The following SUGCT variants were observed in gnomAD, a reference collection of about 807,000 sequenced individuals.
SUGCT encodes the protein succinyl-CoA:glutarate-CoA transferase, also known as succinyl-CoA:glutarate CoA-transferase.
Under a neutral mutation model 55.0 loss-of-function variants are expected in SUGCT, and 41 were observed. That is an observed-to-expected ratio of 0.74 (90% CI 0.58 to 0.97). The LOEUF (loss-of-function observed/expected upper bound fraction) is 0.97, where lower values mean the gene tolerates loss of function less well. SUGCT is among the 50% of genes least tolerant of loss of function. The pLI, the probability that SUGCT is intolerant of heterozygous loss-of-function variation, is 0.00. For missense variants in SUGCT, 568 were observed against 547.8 expected (o/e 1.04, Z -0.37); for synonymous variants, 187 against 200.4 (o/e 0.93, Z 0.56).
At chr7:40,566,009 A>G (rs995383182) in intron 12 of SUGCT, among the ~76,000 whole-genome samples, 5 of 149,366 alleles carry the variant, frequency 3.3e-5, no homozygotes, top group African/African-American at 9.7e-5. Flanking sequence ...ACACACACAC[A>G]CACACACACA....
intron 13 of SUGCT, among the ~76,000 whole-genome samples, chr7:40,796,304 T>G (rs924735094): frequency 1.3e-5 from 2 of 152,108 alleles, no homozygotes; most frequent in Non-Finnish European, 2.9e-5. Context: ...GCAAAGGTAT[T>G]CAAAAGGGAT....
intron 9 of SUGCT, among the ~76,000 whole-genome samples, chr7:40,351,491 G>A (rs1797630824): frequency 6.6e-6 from 1 of 152,058 alleles, no homozygotes; most frequent in African/African-American, 2.4e-5. Flanking sequence ...TTATAATAGT[G>A]TGATTGTATT....
chr7:40,258,060 G>T (rs944059594), intron 7 of SUGCT, among the ~76,000 whole-genome samples: 3 of 152,052 alleles, frequency 2.0e-5, no homozygotes, highest in African/African-American at 7.2e-5. Context: ...TCTAGTCATG[G>T]TTCTATAACC....
At chr7:40,286,304 G>A (rs937168873) in intron 8 of SUGCT, among the ~76,000 whole-genome samples, 2 of 152,170 alleles carry the variant, frequency 1.3e-5, no homozygotes, top group African/African-American at 4.8e-5. Flanking sequence ...ACTTTAAGGA[G>A]TTAAAATTGC....
At chr7:40,252,402 C>T (rs1005097394) in intron 7 of SUGCT, among the ~76,000 whole-genome samples, 2 of 151,798 alleles carry the variant, frequency 1.3e-5, no homozygotes, top group East Asian at 2.0e-4. Context: ...TACAGGCATG[C>T]GCCACTGTGC....
At chr7:40,481,900 T>G (rs1247702884) in intron 11 of SUGCT, among the ~76,000 whole-genome samples, 1 of 152,162 alleles carries the variant, frequency 6.6e-6, no homozygotes, top group Non-Finnish European at 1.5e-5. Context: ...CCATAGCAGT[T>G]CCACAGATAA....
chr7:41,021,404 C>T, the SUGCT span, among the ~76,000 whole-genome samples: 2 of 152,216 alleles, frequency 1.3e-5, no homozygotes, highest in South Asian at 2.1e-4. Flanking sequence ...CTTTATCCAA[C>T]TGTTTTGTAT....
At chr7:40,369,175 C>T (rs772039381) in intron 9 of SUGCT, among the ~76,000 whole-genome samples, 18 of 151,672 alleles carry the variant, frequency 1.2e-4, no homozygotes, top group Non-Finnish European at 2.2e-4. Flanking sequence ...AGGTGATTCA[C>T]ATGCAGTGAG....
intron 11 of SUGCT, among the ~76,000 whole-genome samples, chr7:40,479,930 A>G (rs1245618931): frequency 6.6e-6 from 1 of 152,110 alleles, no homozygotes; most frequent in Admixed American, 6.5e-5. Context: ...TATCCCTTAA[A>G]TATATGGTTT....
the SUGCT span, among the ~76,000 whole-genome samples, chr7:40,906,018 C>G: frequency 6.6e-6 from 1 of 152,256 alleles, no homozygotes; most frequent in East Asian, 1.9e-4. Context: ...GCCACTGCAC[C>G]CTGCCATCAT....
chr7:40,866,884 G>A, the SUGCT span, among the ~76,000 whole-genome samples: 5 of 151,934 alleles, frequency 3.3e-5, no homozygotes, highest in African/African-American at 1.2e-4. Context: ...GATGTTTTAT[G>A]CAACTACTCT....
At chr7:40,988,116 G>A in the SUGCT span, among the ~76,000 whole-genome samples, 22 of 151,818 alleles carry the variant, frequency 1.4e-4, no homozygotes, top group African/African-American at 5.1e-4. Context: ...GCTCTCCAGA[G>A]TCAAGTAGTT....
intron 12 of SUGCT, among the ~76,000 whole-genome samples, chr7:40,614,347 C>G (rs1019290782): frequency 6.6e-6 from 1 of 152,146 alleles, no homozygotes; most frequent in Non-Finnish European, 1.5e-5. Flanking sequence ...TGGGAACCAC[C>G]AGCACATACA....
At chr7:40,256,356 C>A (rs1039631975) in intron 7 of SUGCT, among the ~76,000 whole-genome samples, 3 of 152,106 alleles carry the variant, frequency 2.0e-5, no homozygotes, top group African/African-American at 7.2e-5. Context: ...CTTCTCTATA[C>A]AATGAAGATT....
chr7:40,295,603 G>GA (rs1327686973), intron 8 of SUGCT, among the ~76,000 whole-genome samples: 4 of 133,280 alleles, frequency 3.0e-5, no homozygotes, highest in African/African-American at 1.2e-4. Flanking sequence ...ACAAATAAAA[G>GA]AAAAAATCAC....
At chr7:40,328,298 T>A (rs4332041) in intron 9 of SUGCT, among the ~76,000 whole-genome samples, 105,680 of 152,072 alleles carry the variant, frequency 0.69, 37,090 homozygotes, top group East Asian at 0.99. Context: ...TGGTATTAGG[T>A]TCATAAGTAA....
chr7:40,754,172 T>G (rs941511148), intron 13 of SUGCT, among the ~76,000 whole-genome samples: 3 of 152,160 alleles, frequency 2.0e-5, no homozygotes, highest in Non-Finnish European at 4.4e-5. Context: ...CATCTGAACT[T>G]TAAAGCCTAT....
chr7:40,854,368 G>A (rs1448455081), intron 13 of SUGCT, among the ~76,000 whole-genome samples: 6 of 151,402 alleles, frequency 4.0e-5, no homozygotes, highest in East Asian at 3.9e-4. Context: ...ATGCTCCTTA[G>A]CAGGTCCTTA....
chr7:40,809,550 C>G (rs1791295468), intron 13 of SUGCT, among the ~76,000 whole-genome samples: 3 of 152,072 alleles, frequency 2.0e-5, no homozygotes. Context: ...AAGTACCATA[C>G]TAGGTTTTGG....
Sources: gnomAD v4.1 joint callset for allele counts (sites outside exome capture counted in the v4.1 genomes callset) on GRCh38, gnomAD v4.1.1 for gene constraint, MANE v1.5 for transcripts, NCBI Gene and HGNC (gene_info 2026-07-23, HGNC 2026-07-21) for gene names.